The following DIP2C variants were observed in gnomAD, a reference collection of about 807,000 sequenced individuals.
DIP2C encodes the protein disco-interacting protein 2 homolog C.
In DIP2C, 33 loss-of-function variants were observed where a neutral mutation model predicts 192.4. That is an observed-to-expected ratio of 0.17 (90% confidence interval 0.13 to 0.23). DIP2C has a LOEUF of 0.23. DIP2C is among the 10% of genes least tolerant of loss of function. The pLI, the probability that DIP2C is intolerant of heterozygous loss-of-function variation, is 1.00. For missense variants in DIP2C, 1,537 were observed against 2,110.1 expected (o/e 0.73, Z 5.32); for synonymous variants, 979 against 864.1 (o/e 1.13, Z -2.33).
chr10:373,814 C>T (rs1198723025), intron 17 of DIP2C, among the ~76,000 whole-genome samples: 3 of 152,146 alleles, frequency 2.0e-5, no homozygotes, highest in African/African-American at 7.2e-5. Flanking sequence ...AATGCTAAAC[C>T]GTCACAGCTG....
At chr10:343,860 G>A (rs535938115) in intron 28 of DIP2C, among the ~76,000 whole-genome samples, 1 of 152,182 alleles carries the variant, frequency 6.6e-6, no homozygotes, top group Non-Finnish European at 1.5e-5. Flanking sequence ...GAGATGAACC[G>A]AAGAGTAAGA....
At chr10:357,449 A>G (rs1401961533) in intron 23 of DIP2C, among the ~76,000 whole-genome samples, 4 of 152,228 alleles carry the variant, frequency 2.6e-5, no homozygotes, top group Non-Finnish European at 5.9e-5. Context: ...TGCGCGGGAC[A>G]AGGACTGCCA....
intron 1 of DIP2C, among the ~76,000 whole-genome samples, chr10:583,382 T>C (rs1367027222): frequency 6.6e-6 from 1 of 152,244 alleles, no homozygotes; most frequent in Non-Finnish European, 1.5e-5. Context: ...GGAGCCTGTT[T>C]GGTACCTGCA....
intron 32 of DIP2C, among the ~76,000 whole-genome samples, chr10:292,683 G>A (rs1306093072): frequency 6.6e-6 from 1 of 152,234 alleles, no homozygotes; most frequent in Non-Finnish European, 1.5e-5. Context: ...GTGCCTCCTG[G>A]CATCACACGT....
At chr10:487,567 GTTTTTTTTTTT>G (rs71376836) in intron 1 of DIP2C, among the ~76,000 whole-genome samples, 3 of 54,162 alleles carry the variant, frequency 5.5e-5, no homozygotes, top group Non-Finnish European at 9.3e-5. Context: ...ATCAATGAGT[GTTTTTTTTTTT>G]TTTTTTTTTT....
chr10:470,696 A>C (rs1370895244), intron 3 of DIP2C, among the ~76,000 whole-genome samples: 1 of 152,214 alleles, frequency 6.6e-6, no homozygotes, highest in Admixed American at 6.5e-5. Context: ...AGAATGTAGG[A>C]AACACGCAGT....
At position 562,566 on chromosome 10, in the gene DIP2C, G is replaced by A. The variant is rs190947301; in HGVS notation, c.86-76036C>T. Among the ~76,000 whole-genome samples, 3 of 152,296 alleles carry A rather than the reference G, an allele frequency of 2.0e-5. No homozygotes were observed. The South Asian group carries it at 6.2e-4, about 32-fold the overall frequency. On this transcript the variant is annotated intron_variant, in intron 1 of 36. Transcript: ENST00000280886. ...CTTTTCCATATGCACACGGATGGTC[G>A]TAATTTAAGTTGGCATTCCAACAGG...
chr10:409,695 C>G (rs1484779825), intron 8 of DIP2C, among the ~76,000 whole-genome samples: 2 of 152,218 alleles, frequency 1.3e-5, no homozygotes, highest in Non-Finnish European at 2.9e-5. Context: ...GTGAGCAACA[C>G]AGAGCAGAAA....
Position 277,066 on chromosome 10 carries a change from G to T in DIP2C, c.*259C>A, listed in dbSNP as rs201789429. The T allele has an allele frequency of 1.2e-4, 49 of 394,816 alleles. 1 individual carries two copies. Among genetic ancestry groups the T allele is most frequent in the Admixed American group, 7.3e-4 (18 of 24,700 alleles). 24.5% of individuals were successfully genotyped at this position (394,816 alleles called of 1,614,324 possible). On this transcript the variant is annotated 3_prime_UTR_variant, in exon 37 of 37. Coordinates refer to ENST00000280886, the MANE Select transcript of DIP2C (RefSeq NM_014974.3). ...TAAAAAAGAAAGAAAAGAAAAGAAA[G>T]TTTTGAAATGGGCTTTTCCAACAAA...
chr10:685,159 A>AT (rs1831276772), intron 1 of DIP2C, among the ~76,000 whole-genome samples: 1 of 29,418 alleles, frequency 3.4e-5, no homozygotes, highest in African/African-American at 1.0e-4. Flanking sequence ...AAAAAAAAAA[A>AT]AAATATATAT....
chr10:303,052 G>A (rs781351085), intron 32 of DIP2C, among the ~76,000 whole-genome samples: 8 of 152,192 alleles, frequency 5.3e-5, no homozygotes, highest in Non-Finnish European at 1.0e-4. Context: ...CACTGCACGC[G>A]ACTGTAGATT....
At chr10:362,435 G>A (rs1463628771) in intron 22 of DIP2C, 55 bp downstream of exon 22, 15 of 1,580,916 alleles carry the variant, frequency 9.5e-6, no homozygotes, top group East Asian at 6.7e-5. Flanking sequence ...TCCCAGTGCC[G>A]TGCAGCCCCA....
At chr10:343,446 G>A (rs997069663) in intron 28 of DIP2C, among the ~76,000 whole-genome samples, 13 of 152,198 alleles carry the variant, frequency 8.5e-5, no homozygotes, top group African/African-American at 2.7e-4. Context: ...AGAACTTGGA[G>A]GTGGGAGTCC....
chr10:279,543 A>C (rs994944509), intron 36 of DIP2C, among the ~76,000 whole-genome samples: 1 of 152,216 alleles, frequency 6.6e-6, no homozygotes, highest in African/African-American at 2.4e-5. Flanking sequence ...AGAAATGAGA[A>C]AGTTTGTTTG....
chr10:306,709 G>C (rs1956341596), intron 32 of DIP2C, among the ~76,000 whole-genome samples: 2 of 152,234 alleles, frequency 1.3e-5, no homozygotes, highest in South Asian at 2.1e-4. Context: ...CTCACCCTCT[G>C]TGGTCAGCAG....
intron 1 of DIP2C, among the ~76,000 whole-genome samples, chr10:643,427 T>C (rs1588662063): frequency 6.7e-6 from 1 of 148,210 alleles, no homozygotes; most frequent in Admixed American, 6.8e-5. Context: ...GGCAGGAGAA[T>C]GGCACGAACC....
intron 32 of DIP2C, among the ~76,000 whole-genome samples, chr10:293,605 A>G (rs1431813183): frequency 6.6e-6 from 1 of 152,242 alleles, no homozygotes; most frequent in Non-Finnish European, 1.5e-5. Context: ...TCTAGTCTGC[A>G]GCTTCCTGGC....
At chr10:425,444 G>A (rs945079123) in intron 4 of DIP2C, among the ~76,000 whole-genome samples, 24 of 146,758 alleles carry the variant, frequency 1.6e-4, no homozygotes, top group African/African-American at 2.3e-4. Flanking sequence ...AATATGACAC[G>A]GATGATACAG....
chr10:353,960 GAC>G (rs1206095407), intron 24 of DIP2C, among the ~76,000 whole-genome samples: 7 of 152,244 alleles, frequency 4.6e-5, no homozygotes, highest in Admixed American at 3.9e-4. Flanking sequence ...GGTGGGGAAA[GAC>G]ACTATGAATG....
Sources: allele counts gnomAD v4.1 joint callset (sites outside exome capture counted in the v4.1 genomes callset), GRCh38; gene constraint gnomAD v4.1.1; transcripts MANE v1.5; gene names NCBI Gene and HGNC (gene_info 2026-07-23, HGNC 2026-07-21).